GABRB2: variants seen among roughly 807,000 people sequenced by gnomAD.
GABRB2 encodes gamma-aminobutyric acid receptor subunit beta-2.
Under a neutral mutation model 54.7 loss-of-function variants are expected in GABRB2, and 16 were observed. The ratio of observed to expected loss-of-function variants is 0.29; its 90% confidence interval spans 0.20 to 0.44. The LOEUF is 0.44. Ranked by LOEUF, GABRB2 falls within the 20% of genes least tolerant of loss-of-function variation. The pLI, the probability that GABRB2 is intolerant of heterozygous loss-of-function variation, is 1.00. For synonymous variants in GABRB2, 244 were observed against 233.8 expected, an observed-to-expected ratio of 1.04 and a Z score of -0.40; for missense variants, 355 against 644.0, an observed-to-expected ratio of 0.55 and a Z score of 4.86.
At chr5:161,370,193 CAA>C (rs35455147) in intron 5 of GABRB2, among the ~76,000 whole-genome samples, 1 of 151,882 alleles carries the variant, frequency 6.6e-6, no homozygotes, top group Non-Finnish European at 1.5e-5. Context: ...AATGAAATAG[CAA>C]AAAAGTCTAG....
Position 161,331,142 on chromosome 5 carries a change from G to T in GABRB2, c.833-15C>A, listed in dbSNP as rs752394922. 6.5e-7 allele frequency: 1 copy of T among 1,531,260 alleles called. No homozygotes were observed. Among genetic ancestry groups the T allele is most frequent in the Non-Finnish European group, 8.8e-7 (1 of 1,139,336 alleles). The allele number at this position is 1,531,260 out of a possible 1,614,324, so 94.9% of individuals were successfully genotyped here. On this transcript the variant is annotated splice_polypyrimidine_tract_variant and intron_variant, in intron 7 of 9. Coordinates refer to ENST00000393959, the MANE Select transcript of GABRB2 (RefSeq NM_001371727.1). ...AGTTGTGATTCCTGAAAAAAAATGG[G>T]AGAGTTAGAGTAATAATGTTCCTAT...
At chr5:161,354,948 T>C (rs896667696) in intron 5 of GABRB2, among the ~76,000 whole-genome samples, 3 of 152,002 alleles carry the variant, frequency 2.0e-5, no homozygotes, top group African/African-American at 7.2e-5. Context: ...CCCTCTCTTT[T>C]CTCTTTAAAC....
chr5:161,381,755 G>GGGCAAAC (rs1382134562), intron 5 of GABRB2, among the ~76,000 whole-genome samples: 100 of 152,232 alleles, frequency 6.6e-4, no homozygotes, highest in African/African-American at 2.3e-3. Context: ...GCTTTGGAGT[G>GGGCAAAC]GGCAAACTCA....
rs990693500 is a variant in GABRB2, at chr5:161,362,736, CA to C, written c.542-25968del. 6.6e-5 allele frequency among the ~76,000 whole-genome samples: 10 copies of C among 152,118 alleles called. No homozygotes were observed. In the South Asian group the frequency reaches 1.0e-3, roughly 16 times the overall value. On this transcript the variant is annotated intron_variant, in intron 5 of 9. Coordinates refer to ENST00000393959, the MANE Select transcript of GABRB2 (RefSeq NM_001371727.1). The stretch of plus-strand genomic sequence containing the variant: ...GTGAAGGATATGAACAGACACTTCT[CA>C]AAAGAAGACATTTATGCAGCCAACA...
intron 4 of GABRB2, among the ~76,000 whole-genome samples, chr5:161,435,252 A>C (rs559827218): frequency 2.6e-5 from 4 of 152,336 alleles, no homozygotes; most frequent in Admixed American, 2.0e-4. Flanking sequence ...GAACACACTT[A>C]AATATTACAA....
intron 5 of GABRB2, among the ~76,000 whole-genome samples, chr5:161,343,019 C>G (rs1754217162): frequency 6.6e-6 from 1 of 152,046 alleles, no homozygotes; most frequent in African/African-American, 2.4e-5. Flanking sequence ...ATGCTCTGCA[C>G]AGGTACAGGA....
chr5:161,535,388 C>T (rs750806178), intron 3 of GABRB2, among the ~76,000 whole-genome samples: 1 of 151,792 alleles, frequency 6.6e-6, no homozygotes, highest in Non-Finnish European at 1.5e-5. Context: ...GTGGAGTAGA[C>T]AGCAGAAACA....
At chr5:161,543,985 T>TATAA (rs1760894331) in intron 3 of GABRB2, among the ~76,000 whole-genome samples, 1 of 152,206 alleles carries the variant, frequency 6.6e-6, no homozygotes, top group Admixed American at 6.5e-5. Context: ...ACTCATAAGG[T>TATAA]ATAAGCACAG....
chr5:161,536,972 C>T (rs1419667352), intron 3 of GABRB2, among the ~76,000 whole-genome samples: 4 of 152,218 alleles, frequency 2.6e-5, no homozygotes, highest in Non-Finnish European at 2.9e-5. Context: ...GTGTAGTCTT[C>T]GACCACCGAA....
rs115520707 is a variant in GABRB2, at chr5:161,364,600, T to G, written c.542-27831A>C. The stretch of plus-strand genomic sequence containing the variant: ...CTCCAACTATCCATTTCATATTTGG[T>G]TGTACTTCCCTCTGTATACATAGGT... On this transcript the variant is annotated intron_variant, in intron 5 of 9. Transcript: ENST00000393959. Among the ~76,000 whole-genome samples, 635 of 152,316 alleles carry G rather than the reference T, an allele frequency of 4.2e-3. 4 individuals carry two copies. The highest frequency in any genetic ancestry group is 6.1e-3 in the Non-Finnish European group (414 of 68,004).
intron 4 of GABRB2, among the ~76,000 whole-genome samples, chr5:161,433,251 T>A (rs1007184819): frequency 6.6e-6 from 1 of 152,174 alleles, no homozygotes; most frequent in African/African-American, 2.4e-5. Context: ...TACTAATTTA[T>A]ACAGTAATTC....
In GABRB2 at chr5:161,411,072, G is replaced by T; in HGVS notation, c.459-15C>A. The stretch of plus-strand genomic sequence containing the variant: ...TGGTTGTGATTCTAGAAGACAAATA[G>T]CAATGATGAGTGTTGTTAGCAGGTC... On this transcript the variant is annotated splice_polypyrimidine_tract_variant and intron_variant, in intron 4 of 9. Transcript: ENST00000393959. 6.3e-7 allele frequency: 1 copy of T among 1,593,658 alleles called. No individual in the cohort carries two copies. Among genetic ancestry groups the T allele is most frequent in the Non-Finnish European group, 8.6e-7 (1 of 1,161,716 alleles).
chr5:161,457,313 G>A (rs970268517), intron 4 of GABRB2, among the ~76,000 whole-genome samples: 2 of 152,080 alleles, frequency 1.3e-5, no homozygotes, highest in African/African-American at 4.8e-5. Flanking sequence ...ATGAATTAAA[G>A]GTACAGCAAT....
intron 5 of GABRB2, among the ~76,000 whole-genome samples, chr5:161,400,840 T>C (rs372460303): frequency 6.6e-6 from 1 of 152,020 alleles, no homozygotes; most frequent in African/African-American, 2.4e-5. Flanking sequence ...TGGGCTCATT[T>C]AGTTACAAGT....
In GABRB2 at chr5:161,474,946, G is replaced by A. The variant is rs573030687; in HGVS notation, c.238-15102C>T. 4.6e-5 allele frequency among the ~76,000 whole-genome samples: 7 copies of A among 151,980 alleles called. No homozygotes were observed. The South Asian group carries it at 1.5e-3, about 32-fold the overall frequency. ...CTAATTATAATGTCTCTGAGAGCTG[G>A]TTGTTCTAGACTAAACGTGACCACC... On this transcript the variant is annotated intron_variant, in intron 3 of 9. Transcript: ENST00000393959.
At chr5:161,408,153 G>C (rs770179645) in intron 5 of GABRB2, among the ~76,000 whole-genome samples, 1 of 151,868 alleles carries the variant, frequency 6.6e-6, no homozygotes, top group African/African-American at 2.4e-5. Flanking sequence ...AATATGAAAG[G>C]CTCCAAAATC....
At chr5:161,473,167 G>A (rs1388258958) in intron 3 of GABRB2, among the ~76,000 whole-genome samples, 1 of 151,976 alleles carries the variant, frequency 6.6e-6, no homozygotes, top group Non-Finnish European at 1.5e-5. Flanking sequence ...ATGCCCTAAT[G>A]CTTAGAGGAT....
chr5:161,383,443 T>C (rs1163898839), intron 5 of GABRB2, among the ~76,000 whole-genome samples: 2 of 152,144 alleles, frequency 1.3e-5, no homozygotes, highest in Non-Finnish European at 2.9e-5. Flanking sequence ...CTTACATAAG[T>C]CATGTTCTCA....
intron 5 of GABRB2, among the ~76,000 whole-genome samples, chr5:161,387,737 A>C (rs937045986): frequency 2.0e-5 from 3 of 152,196 alleles, no homozygotes; most frequent in Non-Finnish European, 4.4e-5. Context: ...TTAATACTTA[A>C]AGGCAGAAAC....
Sources: allele counts gnomAD v4.1 joint callset (sites outside exome capture counted in the v4.1 genomes callset), GRCh38; gene constraint gnomAD v4.1.1; transcripts MANE v1.5; gene names NCBI Gene and HGNC (gene_info 2026-07-23, HGNC 2026-07-21).